Variants in CSMD3 observed in about 807,000 individuals in gnomAD.
CSMD3 encodes the protein CUB and sushi domain-containing protein 3.
Under a neutral mutation model 435.2 loss-of-function variants are expected in CSMD3, and 177 were observed. The observed-to-expected ratio is 0.41, with a 90% CI of 0.36 to 0.46. The LOEUF is 0.46. Among genes scored for constraint, CSMD3 ranks in the 20% least tolerant of loss-of-function variants. The pLI, the probability that CSMD3 is intolerant of heterozygous loss-of-function variation, is 0.34. For missense variants in CSMD3, 4,265 were observed against 4,504.6 expected (o/e 0.95, Z 1.52); for synonymous variants, 1,656 against 1,520.5 (o/e 1.09, Z -2.07).
intron 1 of CSMD3, among the ~76,000 whole-genome samples, chr8:113,319,729 C>G (rs1001415227): frequency 6.6e-6 from 1 of 152,002 alleles, no homozygotes; most frequent in African/African-American, 2.4e-5. Flanking sequence ...AGTAGTTACT[C>G]TTGTAATTGC....
intron 16 of CSMD3, among the ~76,000 whole-genome samples, chr8:112,670,758 G>A (rs575278243): frequency 6.6e-6 from 1 of 152,220 alleles, no homozygotes; most frequent in East Asian, 1.9e-4. Flanking sequence ...ATGAGATTCA[G>A]TGCTAAAATG....
intron 2 of CSMD3, among the ~76,000 whole-genome samples, chr8:113,296,700 T>C (rs1337180102): frequency 1.3e-5 from 2 of 152,150 alleles, no homozygotes; most frequent in Admixed American, 6.5e-5. Flanking sequence ...TGTTATCAGA[T>C]ATAGAGAATA....
chr8:112,306,753 A>G (rs1443595659), intron 50 of CSMD3, among the ~76,000 whole-genome samples: 1 of 152,180 alleles, frequency 6.6e-6, no homozygotes, highest in African/African-American at 2.4e-5. Context: ...GGATATGTTT[A>G]ATAAATACAA....
chr8:112,387,623 T>C (rs1350925089), intron 36 of CSMD3, among the ~76,000 whole-genome samples: 1 of 152,060 alleles, frequency 6.6e-6, no homozygotes, highest in Non-Finnish European at 1.5e-5. Context: ...CCCAAATGCT[T>C]TACACACTAT....
Position 112,241,803 on chromosome 8 carries a change from G to T in CSMD3, c.10403-18C>A, listed in dbSNP as rs1410621457. ...AGAACCAGCTATGAAAAGAAATAAAGGTGTTTACAAAAGTTGATGCAATTA... is the reference window on the plus strand; with the variant it reads ...AGAACCAGCTATGAAAAGAAATAAATGTGTTTACAAAAGTTGATGCAATTA... On this transcript the variant is annotated intron_variant, in intron 65 of 70. Coordinates refer to ENST00000297405, the MANE Select transcript of CSMD3 (RefSeq NM_198123.2). 3 of 1,579,836 alleles carry T rather than the reference G, an allele frequency of 1.9e-6. No homozygotes were observed. The highest frequency in any genetic ancestry group is 1.7e-5 in the Admixed American group (1 of 59,652).
chr8:112,321,992 T>G (rs373083303), intron 45 of CSMD3, among the ~76,000 whole-genome samples: 1 of 152,114 alleles, frequency 6.6e-6, no homozygotes, highest in Non-Finnish European at 1.5e-5. Context: ...GCCTAAAATG[T>G]AAGAGAAAAT....
intron 38 of CSMD3, among the ~76,000 whole-genome samples, chr8:112,368,925 T>G (rs191875600): frequency 5.1e-4 from 77 of 152,306 alleles, no homozygotes; most frequent in Non-Finnish European, 1.0e-3. Context: ...GTGCTTGACA[T>G]ATACTGAGTA....
At chr8:112,350,274 CTTTTTT>C in intron 40 of CSMD3, among the ~76,000 whole-genome samples, 1 of 121,246 alleles carries the variant, frequency 8.2e-6, no homozygotes, top group African/African-American at 3.0e-5. Context: ...AAGTCATGGA[CTTTTTT>C]TTTTTTTTTT....
chr8:113,328,735 C>CTTTTCTTTTTT (rs2094003725), intron 1 of CSMD3, among the ~76,000 whole-genome samples: 3 of 57,198 alleles, frequency 5.2e-5, no homozygotes, highest in Non-Finnish European at 8.5e-5. Flanking sequence ...TCCTTCTTTT[C>CTTTTCTTTTTT]TTTTTTTTTT....
chr8:113,399,948 GTA>G (rs34785769), intron 1 of CSMD3, among the ~76,000 whole-genome samples: 6 of 148,972 alleles, frequency 4.0e-5, no homozygotes, highest in African/African-American at 7.4e-5. Flanking sequence ...TCTATTCTGT[GTA>G]TATATATATA....
At chr8:113,241,869 C>T (rs1440382168) in intron 3 of CSMD3, among the ~76,000 whole-genome samples, 2 of 151,552 alleles carry the variant, frequency 1.3e-5, no homozygotes, top group Admixed American at 6.6e-5. Context: ...AAAGAGCTGC[C>T]TTTTTGTCCA....
chr8:112,917,775 T>G (rs897227687), intron 10 of CSMD3, among the ~76,000 whole-genome samples: 3 of 151,946 alleles, frequency 2.0e-5, no homozygotes, highest in African/African-American at 7.2e-5. Flanking sequence ...TAGACATATT[T>G]CAAACCAGGA....
At chr8:113,434,777 C>A (rs2130124326) in intron 1 of CSMD3, among the ~76,000 whole-genome samples, 1 of 152,258 alleles carries the variant, frequency 6.6e-6, no homozygotes, top group East Asian at 1.9e-4. Flanking sequence ...GCATCTCATT[C>A]GGAAAATACG....
In CSMD3 at chr8:112,492,607, C is replaced by T. The variant is rs765497066; in HGVS notation, c.5160G>A (p.Gly1720=). 4.3e-6 allele frequency: 7 copies of T among 1,613,136 alleles called. No individual in the cohort carries two copies. Among genetic ancestry groups the T allele is most frequent in the East Asian group, 2.2e-5 (1 of 44,846 alleles). The change falls in exon 31 of 71, where the codon GGG becomes GGA. Residue 1720 remains glycine (G), a synonymous_variant. Transcript: ENST00000297405. ...CATCACAGTAATAGGTGACTGTTGACCCTAATTTATAATCCATTCCAAGTC... is the reference window on the plus strand; with the variant it reads ...CATCACAGTAATAGGTGACTGTTGATCCTAATTTATAATCCATTCCAAGTC... ...GTRLGMDYKL[G]STVTYYCDAG... is the part of the protein sequence containing the mutation.
intron 2 of CSMD3, among the ~76,000 whole-genome samples, chr8:113,280,206 T>C (rs538568108): frequency 3.9e-5 from 6 of 152,048 alleles, no homozygotes; most frequent in Non-Finnish European, 7.4e-5. Context: ...GGGTTCCTTC[T>C]TTCTCTGTCT....
intron 10 of CSMD3, among the ~76,000 whole-genome samples, chr8:112,909,030 T>A (rs1267385234): frequency 6.6e-6 from 1 of 151,568 alleles, no homozygotes; most frequent in Non-Finnish European, 1.5e-5. Context: ...TTCTTGTCTT[T>A]TTTTTTCCCT....
intron 9 of CSMD3, among the ~76,000 whole-genome samples, chr8:112,926,337 G>C (rs1587688063): frequency 6.6e-6 from 1 of 152,072 alleles, no homozygotes; most frequent in Non-Finnish European, 1.5e-5. Flanking sequence ...AGGACAAGCT[G>C]TATCCACTGA....
chr8:113,041,430 A>C (rs2087612215), intron 5 of CSMD3, among the ~76,000 whole-genome samples: 1 of 151,880 alleles, frequency 6.6e-6, no homozygotes, highest in Admixed American at 6.6e-5. Context: ...ATTGGGGGAA[A>C]ATTCCTCAAT....
chr8:113,169,798 G>C (rs1389463270), intron 4 of CSMD3, among the ~76,000 whole-genome samples: 3 of 152,082 alleles, frequency 2.0e-5, no homozygotes, highest in African/African-American at 4.8e-5. Flanking sequence ...GTGAGAACTG[G>C]GTTAAGAAGG....
Sources: allele counts gnomAD v4.1 joint callset (sites outside exome capture counted in the v4.1 genomes callset), GRCh38; gene constraint gnomAD v4.1.1; transcripts MANE v1.5; gene names NCBI Gene and HGNC (gene_info 2026-07-23, HGNC 2026-07-21).